The following ZPBP2 variants were observed in gnomAD, a reference collection of about 807,000 sequenced individuals.
The protein encoded by ZPBP2 is zona pellucida binding protein 2.
A neutral mutation model predicts 37.5 loss-of-function variants in ZPBP2; 34 were observed. The ratio of observed to expected loss-of-function variants is 0.91; its 90% CI spans 0.69 to 1.21. ZPBP2 has a LOEUF of 1.21. Ranked by LOEUF, ZPBP2 falls within the 50% of genes most tolerant of loss-of-function variation. The pLI is 0.00. For missense variants in ZPBP2, 397 were observed against 413.5 expected (o/e 0.96, Z 0.35); for synonymous variants, 143 against 138.4 (o/e 1.03, Z -0.23).
chr17:39,876,530 C>A, intron 7 of ZPBP2, 152 bp from the exon 8 acceptor site: 1 of 760,716 alleles, frequency 1.3e-6, no homozygotes, highest in Non-Finnish European at 2.0e-6. Flanking sequence ...TCTTCCACAA[C>A]TTAAATGGGC....
intron 7 of ZPBP2, among the ~76,000 whole-genome samples, chr17:39,875,919 T>G: frequency 1.0e-5 from 1 of 97,576 alleles, no homozygotes; most frequent in Admixed American, 1.2e-4. Context: ...TTTTTTGAGA[T>G]GGAGTCTGGC....
intron 7 of ZPBP2, among the ~76,000 whole-genome samples, chr17:39,875,723 C>T (rs2063386694): frequency 6.6e-6 from 1 of 151,434 alleles, no homozygotes; most frequent in Admixed American, 6.6e-5. Context: ...CTCAGCCTCC[C>T]CAGTAGCTAC....
intron 6 of ZPBP2, among the ~76,000 whole-genome samples, chr17:39,873,354 C>A (rs1439624116): frequency 1.3e-5 from 2 of 151,954 alleles, no homozygotes; most frequent in Non-Finnish European, 2.9e-5. Flanking sequence ...CTTTAAAAAC[C>A]TATTTCTCCA....
At position 39,877,775 on chromosome 17, in the gene ZPBP2, T is replaced by G. The variant is rs1434684591; in HGVS notation, c.*966T>G. The G allele has an allele frequency of 6.6e-6, 1 of 152,220 alleles. No homozygotes were observed. The highest frequency in any genetic ancestry group is 1.5e-5 in the Non-Finnish European group (1 of 68,028). The allele number at this position is 152,220 out of a possible 1,614,324, so 9.4% of individuals were successfully genotyped here. A position where few individuals can be genotyped will look rare whatever the true frequency, so the allele number is the denominator to read the frequency against. ...GTCTTTTTGTGACTTGATAGCTCATTTTTTATTGCTGAATAATGTTCATTG... is the reference window on the plus strand; with the variant it reads ...GTCTTTTTGTGACTTGATAGCTCATGTTTTATTGCTGAATAATGTTCATTG... On this transcript the variant is annotated 3_prime_UTR_variant, in exon 8 of 8. Coordinates refer to ENST00000348931, the MANE Select transcript of ZPBP2 (RefSeq NM_199321.3).
chr17:39,872,674 A>G (rs2063370931), intron 5 of ZPBP2, among the ~76,000 whole-genome samples, 186 bp downstream of exon 5: 1 of 152,226 alleles, frequency 6.6e-6, no homozygotes, highest in South Asian at 2.1e-4. Context: ...AATTACTTTC[A>G]AATATGACAT....
chr17:39,876,922 A>G lies in ZPBP2; in HGVS notation c.*113A>G. ...AAAATCAGTAAGACCAAACCACTGG[A>G]AAACATGCATTTTGGAAACTTTAAA... On this transcript the variant is annotated 3_prime_UTR_variant, in exon 8 of 8. Transcript: ENST00000348931. 7.4e-7 allele frequency: 1 copy of G among 1,343,550 alleles called. No individual in the cohort carries two copies. The highest frequency in any genetic ancestry group is 1.0e-6 in the Non-Finnish European group (1 of 978,518). The allele number at this position is 1,343,550 out of a possible 1,614,324, so 83.2% of individuals were successfully genotyped here.
At chr17:39,875,840 C>T (rs1057407770) in intron 7 of ZPBP2, among the ~76,000 whole-genome samples, 9 of 147,584 alleles carry the variant, frequency 6.1e-5, no homozygotes, top group East Asian at 2.0e-4. Flanking sequence ...CCTTGGCTTC[C>T]GAAAGTGCTG....
At chr17:39,871,406 GT>G in intron 3 of ZPBP2, 57 bp from the exon 4 acceptor site, 1 of 1,245,350 alleles carries the variant, frequency 8.0e-7, no homozygotes, top group African/African-American at 1.5e-5. Flanking sequence ...AACTCCAAGT[GT>G]ACTAAATAAT....
At chr17:39,871,070 A>G (rs146646381) in intron 3 of ZPBP2, among the ~76,000 whole-genome samples, 50 of 152,256 alleles carry the variant, frequency 3.3e-4, no homozygotes, top group African/African-American at 1.1e-3. Context: ...CCTAAAATTT[A>G]TCATTGTAGT....
rs989515126 is a variant in ZPBP2 at position 39,872,260 on chromosome 17, T to G, written c.407-10T>G. The G allele has an allele frequency of 2.5e-6, 4 of 1,568,672 alleles. No homozygotes were observed. The highest frequency in any genetic ancestry group is 3.4e-6 in the Non-Finnish European group (4 of 1,164,438). On this transcript the variant is annotated splice_polypyrimidine_tract_variant and intron_variant, in intron 4 of 7. Transcript: ENST00000348931. ...TTGTTTTCACTCTCATCTTTCTTTT[T>G]TTTTTAAAGCCTATCGGGAACCTGA...
intron 2 of ZPBP2, among the ~76,000 whole-genome samples, chr17:39,870,133 T>C (rs2144639767): frequency 6.6e-6 from 1 of 152,240 alleles, no homozygotes; most frequent in Admixed American, 6.5e-5. Context: ...AGCCTCTGCC[T>C]CCCGGGTTCA....
In ZPBP2 at chr17:39,868,556, C is replaced by G. The variant is rs978791075; in HGVS notation, c.60C>G (p.Cys20Trp). ...GTTTTATTTCCTCCGCAGTCCAATG[C>G]CCGCGTTTTACCTTATTCAATAAGA... The part of the protein sequence containing the change: ...AVLWCLTGVQ[C>W]PRFTLFNKKG... The change falls in exon 2 of 8, where the codon TGC (cysteine) becomes TGG (tryptophan). Residue 20 changes from cysteine to tryptophan, a missense_variant. Coordinates refer to ENST00000348931, the MANE Select transcript of ZPBP2 (RefSeq NM_199321.3). The G allele has an allele frequency of 6.2e-7, 1 of 1,614,140 alleles. No homozygotes were observed. Among genetic ancestry groups the G allele is most frequent in the Admixed American group, 1.7e-5 (1 of 60,026 alleles).
Position 39,870,760 on chromosome 17 carries a change from A to G in ZPBP2, c.185A>G (p.Lys62Arg). 1 of 1,573,348 alleles carries G rather than the reference A, an allele frequency of 6.4e-7. No homozygotes were observed. Among genetic ancestry groups the G allele is most frequent in the Non-Finnish European group, 8.7e-7 (1 of 1,153,430 alleles). The change falls in exon 3 of 8, where the codon AAA becomes AGA. Residue 62 changes from lysine to arginine, a missense_variant. Coordinates refer to ENST00000348931, the MANE Select transcript of ZPBP2 (RefSeq NM_199321.3). ...VLICMDFKLS[K>R]KEIVDPTYLW... is the part of the protein sequence containing the mutation. ...ATCTGTATGGATTTTAAGCTTTCTA[A>G]AAAAGAAATAGTGGACCCCACCTAC...
Position 39,872,303 on chromosome 17 carries a change from C to A in ZPBP2, c.440C>A (p.Ala147Asp). ...GAACCTGATTATTCATATCAGATGG[C>A]TGTACGTTTTACCACAAGGTCTTGT... ...YREPDYSYQM[A>D]VRFTTRSCIG... The change falls in exon 5 of 8, where the codon GCT becomes GAT. Residue 147 changes from alanine to aspartate, a missense_variant. Coordinates refer to ENST00000348931, the MANE Select transcript of ZPBP2 (RefSeq NM_199321.3). The A allele has an allele frequency of 6.2e-7, 1 of 1,608,838 alleles. No homozygotes were observed. Among genetic ancestry groups the A allele is most frequent in the Non-Finnish European group, 8.5e-7 (1 of 1,177,892 alleles).
At chr17:39,868,789 C>T (rs1353459672) in intron 2 of ZPBP2, among the ~76,000 whole-genome samples, 175 bp downstream of exon 2, 1 of 152,088 alleles carries the variant, frequency 6.6e-6, no homozygotes, top group African/African-American at 2.4e-5. Flanking sequence ...TACAGCGATC[C>T]CTATTGTGTC....
At chr17:39,874,584 A>C (rs560743855) in intron 6 of ZPBP2, among the ~76,000 whole-genome samples, 1 of 151,540 alleles carries the variant, frequency 6.6e-6, no homozygotes, top group Non-Finnish European at 1.5e-5. Flanking sequence ...GGTGCCTGCC[A>C]CTACCCCTGG....
Position 39,875,419 on chromosome 17 carries a change from T to C in ZPBP2, c.874T>C (p.Cys292Arg). 6.2e-7 allele frequency: 1 copy of C among 1,605,072 alleles called. No homozygotes were observed. The highest frequency in any genetic ancestry group is 1.3e-5 in the African/African-American group (1 of 74,356). ...FGKNERLHSN[C>R]ASCCVVCSPA... ...AAAAAATGAACGTCTACACAGTAAT[T>C]GCGCTAGCTGTTGTGGTAACTATAA... Residue 292 changes from cysteine to arginine, a missense_variant, in exon 7 of 8, where the codon TGC becomes CGC. Transcript: ENST00000348931.
rs2063367108 is a variant in ZPBP2, at chr17:39,872,034, G to A, written c.407-236G>A. Among the ~76,000 whole-genome samples the A allele has an allele frequency of 2.0e-5, 3 of 152,074 alleles. 1 individual carries two copies. The highest frequency in any genetic ancestry group is 2.0e-4 in the Admixed American group (3 of 15,274). On this transcript the variant is annotated intron_variant, in intron 4 of 7. Transcript: ENST00000348931. ...CTGTTATCTGTATAGCCAACCCACAGAAGCCATTTCTCTTGTTGTACCAAG... is the reference window on the plus strand; with the variant it reads ...CTGTTATCTGTATAGCCAACCCACAAAAGCCATTTCTCTTGTTGTACCAAG...
chr17:39,872,341 A>G lies in ZPBP2; in HGVS notation c.478A>G (p.Asn160Asp), dbSNP rs2063368925. The change falls in exon 5 of 8, where the codon AAT becomes GAT. Residue 160 changes from asparagine to aspartate, a missense_variant. Transcript: ENST00000348931. ...CACAAGGTCTTGTATAGGGAGATAC[A>G]ATGATGTATTCTTTAGAGTGCTGAA... ...FTTRSCIGRY[N>D]DVFFRVLKKI... is the part of the protein sequence containing the mutation. 2 of 1,613,538 alleles carry G rather than the reference A, an allele frequency of 1.2e-6. No homozygotes were observed. The highest frequency in any genetic ancestry group is 1.7e-6 in the Non-Finnish European group (2 of 1,179,766).
Sources: allele counts gnomAD v4.1 joint callset (sites outside exome capture counted in the v4.1 genomes callset), GRCh38; gene constraint gnomAD v4.1.1; transcripts MANE v1.5; gene names NCBI Gene and HGNC (gene_info 2026-07-23, HGNC 2026-07-21).